PHF21B: variants seen among roughly 807,000 people sequenced by gnomAD.
PHF21B encodes PHD finger protein 21B, also known as PHD finger protein 4.
Under a neutral mutation model 62.2 loss-of-function variants are expected in PHF21B, and 22 were observed. The observed-to-expected ratio is 0.35, with a 90% CI of 0.25 to 0.51. The LOEUF is 0.51. Ranked by LOEUF, PHF21B falls within the 20% of genes least tolerant of loss-of-function variation. The pLI, the probability that PHF21B is intolerant of heterozygous loss-of-function variation, is 0.97. For missense variants in PHF21B, 701 were observed against 707.9 expected (o/e 0.99, Z 0.11); for synonymous variants, 341 against 314.7 (o/e 1.08, Z -0.88).
At chr22:44,999,225 GC>G (rs1479538943) in intron 2 of PHF21B, among the ~76,000 whole-genome samples, 2 of 152,198 alleles carry the variant, frequency 1.3e-5, no homozygotes, top group African/African-American at 4.8e-5. Context: ...TCTTCAGAAA[GC>G]ATATTCGTTC....
At chr22:44,883,909 C>T (rs1398685480) in intron 12 of PHF21B, among the ~76,000 whole-genome samples, 1 of 152,068 alleles carries the variant, frequency 6.6e-6, no homozygotes, top group Admixed American at 6.6e-5. Flanking sequence ...TAAAGAGCTT[C>T]CCCAGGGCCC....
chr22:44,926,866 G>C (rs1382847929), intron 2 of PHF21B, among the ~76,000 whole-genome samples: 1 of 152,184 alleles, frequency 6.6e-6, no homozygotes, highest in African/African-American at 2.4e-5. Flanking sequence ...GTGTATCTGT[G>C]TCTGGGCGTT....
At chr22:45,001,290 A>C (rs973906493) in intron 2 of PHF21B, 15 of 152,368 alleles carry the variant, frequency 9.8e-5, no homozygotes, top group African/African-American at 3.6e-4. Flanking sequence ...GATTATCCTG[A>C]CAATCAAATA....
chr22:44,977,198 G>GT (rs1442397111), intron 2 of PHF21B, among the ~76,000 whole-genome samples: 23 of 152,118 alleles, frequency 1.5e-4, no homozygotes, highest in African/African-American at 5.3e-4. Context: ...CTCGCTACAG[G>GT]TAACTACTAC....
In PHF21B at chr22:44,958,469, G is replaced by C. The variant is rs550703714; in HGVS notation, c.121-37979C>G. 3.9e-5 allele frequency among the ~76,000 whole-genome samples: 6 copies of C among 152,022 alleles called. No individual in the cohort carries two copies. The South Asian group carries it at 1.2e-3, about 32-fold the overall frequency. On this transcript the variant is annotated intron_variant, in intron 2 of 12. Coordinates refer to ENST00000313237, the MANE Select transcript of PHF21B (RefSeq NM_138415.5). ...TATGGTTCTCTCTGCCAATACCCCT[G>C]TTTTATCTGAAACTCCTTAGTTAGA...
At chr22:44,976,128 G>C (rs960131845) in intron 2 of PHF21B, among the ~76,000 whole-genome samples, 2 of 152,160 alleles carry the variant, frequency 1.3e-5, no homozygotes, top group African/African-American at 4.8e-5. Flanking sequence ...TCATGATTGC[G>C]CCACTGCACT....
chr22:44,984,180 A>T (rs139155645), intron 2 of PHF21B, among the ~76,000 whole-genome samples: 2 of 5,502 alleles, frequency 3.6e-4, no homozygotes, highest in Non-Finnish European at 3.5e-4. Flanking sequence ...TCACCATCAC[A>T]ACCACCATCA....
chr22:44,889,600 G>A (rs997195066), intron 9 of PHF21B, among the ~76,000 whole-genome samples, 160 bp downstream of exon 9: 4 of 152,232 alleles, frequency 2.6e-5, no homozygotes, highest in Admixed American at 6.5e-5. Flanking sequence ...TGGAAAGCTG[G>A]CTGAGTGTTG....
chr22:44,997,817 G>A (rs2073147426), intron 2 of PHF21B, among the ~76,000 whole-genome samples: 1 of 152,100 alleles, frequency 6.6e-6, no homozygotes, highest in Non-Finnish European at 1.5e-5. Context: ...ATTGACTACA[G>A]CTTCACCCAG....
chr22:44,956,409 G>A (rs2072298356), intron 2 of PHF21B, among the ~76,000 whole-genome samples: 1 of 152,172 alleles, frequency 6.6e-6, no homozygotes, highest in Non-Finnish European at 1.5e-5. Context: ...TGACAGCCTG[G>A]ATTAAACAGT....
intron 2 of PHF21B, among the ~76,000 whole-genome samples, chr22:45,004,778 G>A (rs549609391): frequency 6.6e-6 from 1 of 152,330 alleles, no homozygotes; most frequent in Admixed American, 6.5e-5. Flanking sequence ...GTGAAGACAC[G>A]TCTCAGCGCT....
chr22:44,885,636 C>T (rs2070843932), intron 11 of PHF21B, 107 bp from the exon 12 acceptor site: 1 of 1,194,306 alleles, frequency 8.4e-7, no homozygotes, highest in African/African-American at 1.5e-5. Context: ...TAGGACATCC[C>T]CCTGAAGAAG....
Position 45,009,451 on chromosome 22 carries a change from C to G in PHF21B, c.54+45G>C, listed in dbSNP as rs1238168185. The stretch of plus-strand genomic sequence containing the variant: ...GCTCGGGTCCCCCGACCCCCTCACC[C>G]CGCAACACACTCCCCGGCCCCGGGC... On this transcript the variant is annotated intron_variant, in intron 1 of 12. Transcript: ENST00000313237. The surrounding 1 kb of genome is among the most constrained non-coding windows in gnomAD (Gnocchi z 5.9). The G allele has an allele frequency of 7.9e-6, 12 of 1,514,576 alleles. No individual in the cohort carries two copies. Among genetic ancestry groups the G allele is most frequent in the African/African-American group, 2.8e-5 (2 of 71,292 alleles). 93.8% of individuals were successfully genotyped at this position (1,514,576 alleles called of 1,614,324 possible).
At chr22:44,940,535 G>C (rs989038569) in intron 2 of PHF21B, among the ~76,000 whole-genome samples, 2 of 152,250 alleles carry the variant, frequency 1.3e-5, no homozygotes, top group African/African-American at 4.8e-5. Context: ...AATGATCCCA[G>C]GGGCTGAAGG....
chr22:44,926,402 A>T (rs2071633039), intron 2 of PHF21B, among the ~76,000 whole-genome samples: 2 of 152,226 alleles, frequency 1.3e-5, no homozygotes, highest in African/African-American at 4.8e-5. Context: ...GGGGCCAGAG[A>T]ACAGGCACGA....
intron 2 of PHF21B, among the ~76,000 whole-genome samples, chr22:44,972,451 C>T (rs1193870470): frequency 6.6e-6 from 1 of 152,140 alleles, no homozygotes; most frequent in East Asian, 1.9e-4. Flanking sequence ...CTCAGTGGAA[C>T]GAGGAAGCCG....
chr22:44,898,088 G>A (rs753429212), intron 5 of PHF21B, among the ~76,000 whole-genome samples: 2 of 152,178 alleles, frequency 1.3e-5, no homozygotes, highest in Non-Finnish European at 2.9e-5. Context: ...GGATACAGGT[G>A]TGAGCCACTG....
At chr22:44,963,768 C>A (rs553959054) in intron 2 of PHF21B, among the ~76,000 whole-genome samples, 3 of 152,242 alleles carry the variant, frequency 2.0e-5, no homozygotes, top group Admixed American at 2.0e-4. Context: ...AGGACAAACA[C>A]CACCAAAGTT....
chr22:44,926,990 A>T (rs888867142), intron 2 of PHF21B, among the ~76,000 whole-genome samples: 7 of 151,810 alleles, frequency 4.6e-5, no homozygotes, highest in Admixed American at 1.3e-4. Context: ...TCTGGGCCTC[A>T]TATCTGGTCA....
Sources: gnomAD v4.1 joint callset for allele counts (sites outside exome capture counted in the v4.1 genomes callset) on GRCh38, gnomAD v4.1.1 for gene constraint, Gnocchi (gnomAD v3.1) non-coding constraint, MANE v1.5 for transcripts, NCBI Gene and HGNC (gene_info 2026-07-23, HGNC 2026-07-21) for gene names.